The following CRACD variants were observed in gnomAD, a reference collection of about 807,000 sequenced individuals.
CRACD encodes capping protein inhibiting regulator of actin dynamics.
CRACD carries 56 observed loss-of-function variants against 106.8 expected under a neutral mutation model. That is an observed-to-expected ratio of 0.52 (90% confidence interval 0.42 to 0.66). The LOEUF (loss-of-function observed/expected upper bound fraction) is 0.66. CRACD is among the 30% of genes least tolerant of loss of function. The pLI, the probability that CRACD is intolerant of heterozygous loss-of-function variation, is 0.00. For synonymous variants in CRACD, 754 were observed against 670.8 expected (o/e 1.12, Z -1.92); for missense variants, 1,730 against 1,623.2 (o/e 1.07, Z -1.13).
intron 2 of CRACD, among the ~76,000 whole-genome samples, chr4:56,222,665 GC>G (rs1339579822): frequency 6.6e-5 from 10 of 152,020 alleles, no homozygotes; most frequent in African/African-American, 2.4e-4. Context: ...AAATTAAAGG[GC>G]CAGGCGTGGT....
intron 1 of CRACD, among the ~76,000 whole-genome samples, chr4:56,077,496 G>T (rs1357944849): frequency 6.6e-6 from 1 of 152,190 alleles, no homozygotes; most frequent in Admixed American, 6.5e-5. Context: ...ATTTAATGCT[G>T]CCTACCAAAA....
At chr4:56,058,519 G>A (rs6839870) in intron 1 of CRACD, among the ~76,000 whole-genome samples, 55,845 of 152,036 alleles carry the variant, frequency 0.37, 11,812 homozygotes, top group African/African-American at 0.59. Flanking sequence ...TCTTAACCAC[G>A]GATGCTCCTG....
Position 56,096,764 on chromosome 4 carries a change from C to T in CRACD, c.-336+47465C>T, listed in dbSNP as rs779046672. Among the ~76,000 whole-genome samples the T allele has an allele frequency of 4.3e-4, 65 of 151,910 alleles. 1 individual carries two copies. The highest frequency in any genetic ancestry group is 4.4e-4 in the African/African-American group (18 of 41,330). On this transcript the variant is annotated intron_variant, in intron 1 of 10. Coordinates refer to ENST00000682029, the MANE Select transcript of CRACD (RefSeq NM_001393381.1). ...ACTGGTGACAGTGACAAGAGCAGTTCGATGGAACAGTGGTGGTGACAGATG... is the reference window on the plus strand; with the variant it reads ...ACTGGTGACAGTGACAAGAGCAGTTTGATGGAACAGTGGTGGTGACAGATG...
chr4:56,245,166 A>C (rs997942482), intron 2 of CRACD, among the ~76,000 whole-genome samples: 1 of 152,168 alleles, frequency 6.6e-6, no homozygotes, highest in Non-Finnish European at 1.5e-5. Context: ...ATCACTTCCT[A>C]TCTTATTTAA....
chr4:56,282,758 CAGAA>C (rs1743103032), intron 3 of CRACD, among the ~76,000 whole-genome samples: 1 of 152,186 alleles, frequency 6.6e-6, no homozygotes, highest in Non-Finnish European at 1.5e-5. Flanking sequence ...AGACCACAGA[CAGAA>C]AGAAGGCAGT....
chr4:56,104,796 T>C (rs1733889999), intron 1 of CRACD, among the ~76,000 whole-genome samples: 1 of 151,756 alleles, frequency 6.6e-6, no homozygotes, highest in Non-Finnish European at 1.5e-5. Context: ...TGAAACTCTG[T>C]CTCTACTAAA....
intron 1 of CRACD, among the ~76,000 whole-genome samples, chr4:56,088,932 C>T (rs981055055): frequency 6.6e-6 from 1 of 152,154 alleles, no homozygotes; most frequent in Non-Finnish European, 1.5e-5. Context: ...GCCATGTTGG[C>T]CAGGCTGGTC....
chr4:56,104,966 CA>C (rs34655977), intron 1 of CRACD, among the ~76,000 whole-genome samples: 361 of 68,886 alleles, frequency 5.2e-3, no homozygotes, highest in African/African-American at 0.012. Flanking sequence ...GACTCCGTCT[CA>C]AAAAAAAAAA....
chr4:56,135,107 C>T (rs939880554), intron 1 of CRACD, among the ~76,000 whole-genome samples: 4 of 152,014 alleles, frequency 2.6e-5, no homozygotes, highest in African/African-American at 9.7e-5. Context: ...GATGGTGAAA[C>T]CCCATCTCTA....
chr4:56,314,327 G>A lies in CRACD; in HGVS notation c.825G>A (p.Glu275=). Reference sequence around the variant, plus strand: ...AGGAGCTCTTGGAGGAGGAGGGCGAGGGGCAGGAGCCGCCTCTAGAGGCGG... The same window carrying A: ...AGGAGCTCTTGGAGGAGGAGGGCGAAGGGCAGGAGCCGCCTCTAGAGGCGG... ...RRQELLEEEG[E]GQEPPLEAER... is the part of the protein sequence containing the mutation. The change falls in exon 8 of 11, where the codon GAG becomes GAA. Residue 275 remains glutamate (E), a synonymous_variant. Transcript: ENST00000682029. The surrounding 1 kb of genome is among the most constrained non-coding windows in gnomAD (Gnocchi z 4.4). 3 of 1,551,276 alleles carry A rather than the reference G, an allele frequency of 1.9e-6. No individual in the cohort carries two copies. Among genetic ancestry groups the A allele is most frequent in the Non-Finnish European group, 2.6e-6 (3 of 1,147,268 alleles).
intron 5 of CRACD, among the ~76,000 whole-genome samples, chr4:56,309,829 G>T (rs1008655404): frequency 6.6e-6 from 1 of 152,166 alleles, no homozygotes; most frequent in East Asian, 1.9e-4. Flanking sequence ...ACTCCAGACT[G>T]GGCGACAGAG....
chr4:56,293,279 A>G (rs901932594), intron 3 of CRACD, among the ~76,000 whole-genome samples: 3 of 152,212 alleles, frequency 2.0e-5, no homozygotes, highest in African/African-American at 7.2e-5. Flanking sequence ...GCACAACAGT[A>G]TTTAAGAGAT....
intron 8 of CRACD, among the ~76,000 whole-genome samples, chr4:56,317,224 GACTA>G (rs1164196933): frequency 1.3e-5 from 2 of 152,214 alleles, no homozygotes; most frequent in Non-Finnish European, 2.9e-5. Flanking sequence ...CCAGCTCATT[GACTA>G]CGTCACTGCT....
At chr4:56,088,961 G>A (rs1733326180) in intron 1 of CRACD, among the ~76,000 whole-genome samples, 1 of 152,298 alleles carries the variant, frequency 6.6e-6, no homozygotes, top group African/African-American at 2.4e-5. Context: ...CTGACCTCAG[G>A]TGAACCACCT....
At chr4:56,055,831 C>G (rs1732039022) in intron 1 of CRACD, among the ~76,000 whole-genome samples, 2 of 152,122 alleles carry the variant, frequency 1.3e-5, no homozygotes, top group South Asian at 4.1e-4. Flanking sequence ...ACTCTTAACC[C>G]AGGCCAGCCA....
rs77363415 is a variant in CRACD at position 56,322,114 on chromosome 4, A to C, written c.3188-1263A>C. ...ATAATAAGAGATTCAATAACTGATT[A>C]TCTCTGAACATGCATAATTTTTACT... On this transcript the variant is annotated intron_variant, in intron 8 of 10. Transcript: ENST00000682029. Among the ~76,000 whole-genome samples the C allele has an allele frequency of 3.3e-3, 501 of 152,314 alleles. 2 individuals are homozygous for C. Among genetic ancestry groups the C allele is most frequent in the East Asian group, 0.01 (53 of 5,178 alleles).
chr4:56,307,484 G>T (rs373699961), intron 4 of CRACD, 51 bp from the exon 5 acceptor site: 6 of 1,594,506 alleles, frequency 3.8e-6, no homozygotes, highest in Non-Finnish European at 5.1e-6. Flanking sequence ...GGTTGTGGTG[G>T]TTGTGAACTG....
intron 2 of CRACD, among the ~76,000 whole-genome samples, chr4:56,228,805 G>A (rs1354723858): frequency 6.6e-6 from 1 of 152,126 alleles, no homozygotes; most frequent in Non-Finnish European, 1.5e-5. Context: ...GATACTTTAT[G>A]TAGGTTAGTG....
chr4:56,271,571 T>TA (rs1045778861), intron 2 of CRACD, among the ~76,000 whole-genome samples: 1,506 of 147,770 alleles, frequency 0.01, 28 homozygotes, highest in African/African-American at 0.033. Flanking sequence ...ATAAAAATAT[T>TA]AAAAAAAAAA....
Sources: allele counts gnomAD v4.1 joint callset (sites outside exome capture counted in the v4.1 genomes callset), GRCh38; gene constraint gnomAD v4.1.1; non-coding constraint Gnocchi (gnomAD v3.1); transcripts MANE v1.5; gene names NCBI Gene and HGNC (gene_info 2026-07-23, HGNC 2026-07-21).